HAX1: variants seen among roughly 807,000 people sequenced by gnomAD.
HAX1 encodes HCLS1-associated protein X-1.
A neutral mutation model predicts 31.1 loss-of-function variants in HAX1; 27 were observed. The observed-to-expected ratio is 0.87, with a 90% CI of 0.64 to 1.20. HAX1 has a LOEUF of 1.20. Among genes scored for constraint, HAX1 ranks in the 50% most tolerant of loss-of-function variants. HAX1 has a pLI of 0.00. For synonymous variants in HAX1, 114 were observed against 124.1 expected (o/e 0.92, Z 0.54); for missense variants, 357 against 361.6 (o/e 0.99, Z 0.10).
At position 154,275,681 on chromosome 1, in the gene HAX1, C is replaced by T. The variant is rs753078666; in HGVS notation, c.820C>T (p.Arg274Cys). The change falls in exon 7 of 7, where the codon CGT (arginine) becomes TGT (cysteine). Residue 274 changes from arginine to cysteine, a missense_variant. By Grantham distance (180) the Arg-to-Cys change is radical. Transcript: ENST00000328703. The part of the protein sequence containing the change: ...AFSILDLFLG[R>C]WFRSR Reference sequence around the variant, plus strand: ...TTCCATCCTGGACTTATTCCTGGGACGTTGGTTCCGGTCCCGGTAGCCTTG... The same window carrying T: ...TTCCATCCTGGACTTATTCCTGGGATGTTGGTTCCGGTCCCGGTAGCCTTG... The T allele has an allele frequency of 8.1e-6, 13 of 1,613,484 alleles. 1 individual carries two copies. Among genetic ancestry groups the T allele is most frequent in the South Asian group, 4.4e-5 (4 of 91,076 alleles).
Position 154,272,787 on chromosome 1 carries a change from G to T in HAX1, c.53+11G>T. 2 of 1,613,678 alleles carry T rather than the reference G, an allele frequency of 1.2e-6. No homozygotes were observed. Among genetic ancestry groups the T allele is most frequent in the Non-Finnish European group, 1.7e-6 (2 of 1,179,610 alleles). ...TCCTGGACCTCGGAGGTGAGAGTAG[G>T]TCCGGCTCGGACAAGGGTGGGGGTC... On this transcript the variant is annotated intron_variant, in intron 1 of 6. Transcript: ENST00000328703.
intron 2 of HAX1, 69 bp from the exon 3 acceptor site, chr1:154,273,705 T>A (rs1684871849): frequency 6.3e-7 from 1 of 1,598,846 alleles, no homozygotes; most frequent in Admixed American, 1.7e-5. Context: ...AGAAGACTGA[T>A]GATTTCAGAG....
chr1:154,272,795 C>T lies in HAX1; in HGVS notation c.53+19C>T. 6.2e-7 allele frequency: 1 copy of T among 1,612,482 alleles called. No homozygotes were observed. The highest frequency in any genetic ancestry group is 1.1e-5 in the South Asian group (1 of 91,014). On this transcript the variant is annotated intron_variant, in intron 1 of 6. Coordinates refer to ENST00000328703, the MANE Select transcript of HAX1 (RefSeq NM_006118.4). ...CTCGGAGGTGAGAGTAGGTCCGGCT[C>T]GGACAAGGGTGGGGGTCGTCTGAGG... is the stretch of plus-strand genomic sequence containing the variant.
At position 154,273,061 on chromosome 1, in the gene HAX1, TTGGGAGAGAGA is replaced by T; in HGVS notation, c.54-274_54-264del. 5.0e-6 allele frequency: 3 copies of T among 600,504 alleles called. No homozygotes were observed. The East Asian group carries it at 8.4e-5, about 17-fold the overall frequency. The allele number at this position is 600,504 out of a possible 1,614,324, so 37.2% of individuals were successfully genotyped here. A position where few individuals can be genotyped will look rare whatever the true frequency, so the allele number is the denominator to read the frequency against. ...AGACAGTGAGCAAGTGAGCAGGACC[TTGGGAGAGAGA>T]GGAGGGACTGGGGCACACTGAAGAA... is the stretch of plus-strand genomic sequence containing the variant. On this transcript the variant is annotated intron_variant, in intron 1 of 6. Transcript: ENST00000328703.
Position 154,275,758 on chromosome 1 carries a change from A to AT in HAX1, c.*59dup, listed in dbSNP as rs987223907. ...TTCCACCTCTCACCCATTGCCCACC[A>AT]TTAATAAGCTTAGCTTCTCTTGCCA... On this transcript the variant is annotated 3_prime_UTR_variant, in exon 7 of 7. Coordinates refer to ENST00000328703, the MANE Select transcript of HAX1 (RefSeq NM_006118.4). 8 of 1,155,332 alleles carry AT rather than the reference A, an allele frequency of 6.9e-6. No homozygotes were observed. Among genetic ancestry groups the AT allele is most frequent in the Non-Finnish European group, 1.0e-5 (8 of 765,084 alleles). The allele number at this position is 1,155,332 out of a possible 1,614,324, so 71.6% of individuals were successfully genotyped here.
rs1684813033 is a variant in HAX1 at position 154,272,707 on chromosome 1, C to T, written c.-17C>T. ...GGACCACTGGAGGGGTTCAAAGGTT[C>T]GCGTCCCAGTACGGGAATGAGCCTC... is the stretch of plus-strand genomic sequence containing the variant. On this transcript the variant is annotated 5_prime_UTR_variant, in exon 1 of 7. Transcript: ENST00000328703. The T allele has an allele frequency of 1.9e-6, 3 of 1,613,906 alleles. No homozygotes were observed. Among genetic ancestry groups the T allele is most frequent in the African/African-American group, 1.3e-5 (1 of 75,050 alleles).
At chr1:154,272,821 G>A in intron 1 of HAX1, 45 bp downstream of exon 1, 1 of 1,538,148 alleles carries the variant, frequency 6.5e-7, no homozygotes, top group Non-Finnish European at 9.0e-7. Context: ...TCGTCTGAGG[G>A]GAGCTTGACC....
At chr1:154,273,990 G>C in intron 3 of HAX1, 29 bp downstream of exon 3, 5 of 1,574,084 alleles carry the variant, frequency 3.2e-6, no homozygotes, top group Non-Finnish European at 4.4e-6. Flanking sequence ...CCTGAAGTGA[G>C]AGCTTGTGAG....
rs1256795107 is a variant in HAX1 at position 154,275,820 on chromosome 1, G to A, written c.*119G>A. ...TGGATATGTGGAATAGTGAACTGGG[G>A]CCATGTCAGTTTGTCACTCACCCAA... On this transcript the variant is annotated 3_prime_UTR_variant, in exon 7 of 7. Coordinates refer to ENST00000328703, the MANE Select transcript of HAX1 (RefSeq NM_006118.4). 4 of 740,550 alleles carry A rather than the reference G, an allele frequency of 5.4e-6. No individual in the cohort carries two copies. The highest frequency in any genetic ancestry group is 5.2e-5 in the African/African-American group (3 of 57,452). The allele number at this position is 740,550 out of a possible 1,614,324, so 45.9% of individuals were successfully genotyped here.
At chr1:154,273,150 TAAA>T (rs373573437) in intron 1 of HAX1, 183 bp from the exon 2 acceptor site, 16,097 of 498,542 alleles carry the variant, frequency 0.032, no homozygotes, top group East Asian at 0.041. Flanking sequence ...TGACTTTGAT[TAAA>T]AAAAAAAAAA....
intron 3 of HAX1, among the ~76,000 whole-genome samples, chr1:154,274,657 G>A (rs776922138): frequency 5.9e-5 from 9 of 152,116 alleles, no homozygotes; most frequent in Non-Finnish European, 1.2e-4. Context: ...TTTGGGGGGA[G>A]ATGGGTGTTC....
At position 154,273,542 on chromosome 1, in the gene HAX1, A is replaced by G; in HGVS notation, c.260A>G (p.Asp87Gly). ...TTCGGCTTTGATGACCTAGTACGAG[A>G]TTTCAATAGCATCTTCAGCGATATG... ...DNFGFDDLVR[D>G]FNSIFSDMGA... Residue 87 changes from aspartate (D) to glycine (G), a missense_variant, in exon 2 of 7, where the codon GAT becomes GGT. By Grantham distance (94) the Asp-to-Gly change is moderately conservative (BLOSUM62 -1). Coordinates refer to ENST00000328703, the MANE Select transcript of HAX1 (RefSeq NM_006118.4). The G allele has an allele frequency of 1.9e-6, 3 of 1,614,052 alleles. No individual in the cohort carries two copies. The highest frequency in any genetic ancestry group is 2.5e-6 in the Non-Finnish European group (3 of 1,180,010).
chr1:154,273,081 T>A (rs1439357391), intron 1 of HAX1: 1 of 588,432 alleles, frequency 1.7e-6, no homozygotes, highest in East Asian at 2.8e-5. Flanking sequence ...GAGGAGGGAC[T>A]GGGGCACACT....
intron 3 of HAX1, 43 bp downstream of exon 3, chr1:154,274,004 C>G: frequency 1.3e-6 from 2 of 1,554,768 alleles, no homozygotes; most frequent in Middle Eastern, 1.7e-4. Context: ...TTGTGAGAGA[C>G]CACTAATAAA....
At chr1:154,274,539 G>C (rs759006408) in intron 3 of HAX1, among the ~76,000 whole-genome samples, 12 of 152,144 alleles carry the variant, frequency 7.9e-5, no homozygotes, top group Non-Finnish European at 8.8e-5. Flanking sequence ...GAGCCATCAT[G>C]CCTGGCCAAA....
At chr1:154,275,131 T>C (rs772483110) in intron 4 of HAX1, 23 bp from the exon 5 acceptor site, 19 of 1,539,948 alleles carry the variant, frequency 1.2e-5, no homozygotes, top group Non-Finnish European at 1.5e-5. Context: ...CTCTCCTGCT[T>C]CTTCATCTCT....
chr1:154,273,270 C>G, intron 1 of HAX1, 66 bp from the exon 2 acceptor site: 1 of 1,606,752 alleles, frequency 6.2e-7, no homozygotes. Flanking sequence ...ACTTTGCCAC[C>G]CATGAGTTGA....
chr1:154,273,310 G>C, intron 1 of HAX1, 26 bp from the exon 2 acceptor site: 3 of 1,613,422 alleles, frequency 1.9e-6, no homozygotes, highest in Non-Finnish European at 2.5e-6. Context: ...CTGAAATATT[G>C]GTGGCCAATC....
At chr1:154,275,546 T>C in intron 6 of HAX1, 63 bp downstream of exon 6, 1 of 1,574,508 alleles carries the variant, frequency 6.4e-7, no homozygotes, top group Non-Finnish European at 8.7e-7. Flanking sequence ...CTTACTCTTC[T>C]ACCCTTGTCC....
Sources: allele counts gnomAD v4.1 joint callset (sites outside exome capture counted in the v4.1 genomes callset), GRCh38; gene constraint gnomAD v4.1.1; transcripts MANE v1.5; gene names NCBI Gene and HGNC (gene_info 2026-07-23, HGNC 2026-07-21).